ADAM7: variants seen among roughly 807,000 people sequenced by gnomAD.
ADAM7 encodes disintegrin and metalloproteinase domain-containing protein 7.
ADAM7 carries 97 observed loss-of-function variants against 102.9 expected under a neutral mutation model. The observed-to-expected ratio is 0.94, with a 90% CI of 0.80 to 1.12. ADAM7 has a LOEUF of 1.12. Ranked by LOEUF, ADAM7 falls within the 50% of genes most tolerant of loss-of-function variation. The probability of loss-of-function intolerance (pLI) is 0.00; values close to 1 mark genes in which losing one functional copy is unlikely to be tolerated. For missense variants in ADAM7, 991 were observed against 908.7 expected, an observed-to-expected ratio of 1.09 and a Z score of -1.16; for synonymous variants, 334 against 304.4, an observed-to-expected ratio of 1.10 and a Z score of -1.01.
At chr8:24,473,491 G>A (rs1353156378) in intron 7 of ADAM7, among the ~76,000 whole-genome samples, 1 of 152,154 alleles carries the variant, frequency 6.6e-6, no homozygotes, top group Non-Finnish European at 1.5e-5. Flanking sequence ...GCTGCAATGT[G>A]CAAGAACTTT....
chr8:24,500,766 A>T (rs780650412), intron 18 of ADAM7, 24 bp from the exon 19 acceptor site: 4 of 1,583,808 alleles, frequency 2.5e-6, no homozygotes, highest in Non-Finnish European at 3.5e-6. Context: ...CCCTCGATGA[A>T]GCCCATGTTT....
At chr8:24,441,276 G>C in intron 1 of ADAM7, 116 bp downstream of exon 1, 1 of 1,000,972 alleles carries the variant, frequency 1.0e-6, no homozygotes, top group Non-Finnish European at 1.6e-6. Flanking sequence ...ATTTTTCTGA[G>C]AGCTTCGACT....
chr8:24,451,120 T>C (rs1212558697), intron 3 of ADAM7, among the ~76,000 whole-genome samples: 1 of 151,870 alleles, frequency 6.6e-6, no homozygotes, highest in Non-Finnish European at 1.5e-5. Context: ...TCTTTTTTGG[T>C]TGTGTCTCTG....
chr8:24,470,071 GAT>G (rs1563382362), intron 7 of ADAM7, among the ~76,000 whole-genome samples: 1 of 152,030 alleles, frequency 6.6e-6, no homozygotes, highest in Non-Finnish European at 1.5e-5. Context: ...AAGCAAATCA[GAT>G]AACATGGTAG....
intron 16 of ADAM7, 149 bp from the exon 17 acceptor site, chr8:24,499,087 T>A (rs1325980985): frequency 3.3e-6 from 2 of 604,222 alleles, no homozygotes; most frequent in Non-Finnish European, 5.5e-6. Flanking sequence ...GTAGGAAAAA[T>A]TACATAACTT....
Position 24,466,785 on chromosome 8 carries a change from C to A in ADAM7, c.390-14C>A. On this transcript the variant is annotated splice_polypyrimidine_tract_variant and intron_variant, in intron 5 of 21. Transcript: ENST00000175238. ...ATAGGCCTTGAATACAAATTGTGTT[C>A]CCAATTTCTACAGGGGATTCTTCAG... 1 of 1,605,554 alleles carries A rather than the reference C, an allele frequency of 6.2e-7. No homozygotes were observed. The highest frequency in any genetic ancestry group is 1.1e-5 in the South Asian group (1 of 89,310).
At chr8:24,455,966 T>C (rs1211951819) in intron 3 of ADAM7, among the ~76,000 whole-genome samples, 1 of 152,202 alleles carries the variant, frequency 6.6e-6, no homozygotes, top group African/African-American at 2.4e-5. Context: ...CTTATTTTTT[T>C]TTTTGTGGTG....
rs1820947433 is a variant in ADAM7 at position 24,506,251 on chromosome 8, A to G, written c.2209-1229A>G. ...ATCATTTGTTGGTTCCTTGAAAAGGACCAATAATATAACATCGATAGCTCT... is the reference window on the plus strand; with the variant it reads ...ATCATTTGTTGGTTCCTTGAAAAGGGCCAATAATATAACATCGATAGCTCT... On this transcript the variant is annotated intron_variant, in intron 20 of 21. Transcript: ENST00000175238. 2.9e-6 allele frequency: 3 copies of G among 1,022,086 alleles called. No homozygotes were observed. The South Asian group carries it at 4.3e-5, about 15-fold the overall frequency. 63.3% of individuals were successfully genotyped at this position (1,022,086 alleles called of 1,614,324 possible). A position where few individuals can be genotyped will look rare whatever the true frequency, so the allele number is the denominator to read the frequency against.
At position 24,477,590 on chromosome 8, in the gene ADAM7, G is replaced by A. The variant is rs1181750350; in HGVS notation, c.705+1086G>A. 7.2e-5 allele frequency among the ~76,000 whole-genome samples: 11 copies of A among 151,990 alleles called. 1 individual carries two copies. Among genetic ancestry groups the A allele is most frequent in the Admixed American group, 7.2e-4 (11 of 15,234 alleles). ...CATCAGTGTGTGTGTGTGTGTGTGT[G>A]TGTGGTATTTACAGTGTTGGATTCT... On this transcript the variant is annotated intron_variant, in intron 8 of 21. Coordinates refer to ENST00000175238, the MANE Select transcript of ADAM7 (RefSeq NM_003817.4).
chr8:24,450,286 G>T (rs1314976000), intron 3 of ADAM7, among the ~76,000 whole-genome samples: 1 of 152,152 alleles, frequency 6.6e-6, no homozygotes. Flanking sequence ...CCATGAGCAT[G>T]GAATGTTCTT....
intron 13 of ADAM7, among the ~76,000 whole-genome samples, 155 bp downstream of exon 13, chr8:24,491,043 C>T (rs1243594198): frequency 1.3e-5 from 2 of 152,112 alleles, no homozygotes; most frequent in African/African-American, 4.8e-5. Flanking sequence ...GATGCTCCAA[C>T]ATCTGAGCAT....
intron 20 of ADAM7, chr8:24,506,252 C>T: frequency 2.0e-6 from 2 of 1,003,062 alleles, no homozygotes; most frequent in South Asian, 1.5e-5. Context: ...TTGAAAAGGA[C>T]CAATAATATA....
rs752390241 is a variant in ADAM7, at chr8:24,492,498, C to A, written c.1556C>A (p.Ala519Glu). Residue 519 changes from alanine to glutamate, a missense_variant, in exon 15 of 22, where the codon GCA (alanine) becomes GAA (glutamate). Transcript: ENST00000175238. ...DQCSELFDDE[A>E]IESHDICYKM... The stretch of plus-strand genomic sequence containing the variant: ...TTTATACCATTTTTTACCCCAGAGG[C>A]AATAGAGAGTCATGATATCTGCTAC... 1 of 1,602,368 alleles carries A rather than the reference C, an allele frequency of 6.2e-7. No individual in the cohort carries two copies. Among genetic ancestry groups the A allele is most frequent in the Non-Finnish European group, 8.5e-7 (1 of 1,173,224 alleles).
chr8:24,490,590 G>A (rs545240746), intron 12 of ADAM7: 26 of 522,982 alleles, frequency 5.0e-5, no homozygotes, highest in East Asian at 3.8e-4. Context: ...TCCATTACCC[G>A]TAATGTACCA....
rs374342640 is a variant in ADAM7, at chr8:24,442,605, T to C, written c.156+29T>C. 1.9e-5 allele frequency: 29 copies of C among 1,564,934 alleles called. No individual in the cohort carries two copies. In the African/African-American group the frequency reaches 3.5e-4, roughly 19 times the overall value. ...CAAGTTTTGATTTAGTAAATAAGAT[T>C]TGTTGCTTTCACAGGCATGTAGACA... On this transcript the variant is annotated intron_variant, in intron 2 of 21. Transcript: ENST00000175238.
rs1821031739 is a variant in ADAM7, at chr8:24,508,751, T to C, written c.*205T>C. On this transcript the variant is annotated 3_prime_UTR_variant, in exon 22 of 22. Coordinates refer to ENST00000175238, the MANE Select transcript of ADAM7 (RefSeq NM_003817.4). Reference sequence around the variant, plus strand: ...GAATTCACACCCTCTATCATAAACATATGCTGCAGAAAAAAAATGTCTTGT... The same window carrying C: ...GAATTCACACCCTCTATCATAAACACATGCTGCAGAAAAAAAATGTCTTGT... 3 of 1,363,598 alleles carry C rather than the reference T, an allele frequency of 2.2e-6. No homozygotes were observed. In the South Asian group the frequency reaches 5.9e-5, roughly 27 times the overall value. The allele number at this position is 1,363,598 out of a possible 1,614,324, so 84.5% of individuals were successfully genotyped here.
intron 3 of ADAM7, among the ~76,000 whole-genome samples, chr8:24,457,703 C>G (rs1213234179): frequency 6.6e-6 from 1 of 151,996 alleles, no homozygotes; most frequent in Non-Finnish European, 1.5e-5. Flanking sequence ...TTTAATTTAT[C>G]AGTTTCTTTC....
intron 12 of ADAM7, 69 bp downstream of exon 12, chr8:24,489,402 G>A (rs944477723): frequency 2.1e-6 from 3 of 1,428,560 alleles, no homozygotes; most frequent in Non-Finnish European, 1.9e-6. Context: ...CAGGGATGTG[G>A]CCATTAATCA....
chr8:24,487,792 C>T (rs1234221824), intron 11 of ADAM7, among the ~76,000 whole-genome samples: 1 of 152,068 alleles, frequency 6.6e-6, no homozygotes, highest in African/African-American at 2.4e-5. Context: ...GGGGCTAAAT[C>T]TTGCCAACTG....
Sources: allele counts gnomAD v4.1 joint callset (sites outside exome capture counted in the v4.1 genomes callset), GRCh38; gene constraint gnomAD v4.1.1; transcripts MANE v1.5; gene names NCBI Gene and HGNC (gene_info 2026-07-23, HGNC 2026-07-21).